Variants in SAAL1 observed in about 807,000 individuals in gnomAD.
The protein encoded by SAAL1 is serum amyloid A like 1.
A neutral mutation model predicts 59.8 loss-of-function variants in SAAL1; 42 were observed. The ratio of observed to expected loss-of-function variants is 0.70; its 90% confidence interval spans 0.55 to 0.91. The LOEUF (loss-of-function observed/expected upper bound fraction) is 0.91. SAAL1 is among the 40% of genes least tolerant of loss of function. SAAL1 has a pLI of 0.00. For missense variants in SAAL1, 542 were observed against 561.1 expected (o/e 0.97, Z 0.34); for synonymous variants, 191 against 194.3 (o/e 0.98, Z 0.14).
chr11:18,102,256 G>A (rs537664067), intron 2 of SAAL1, among the ~76,000 whole-genome samples: 13 of 152,076 alleles, frequency 8.5e-5, no homozygotes, highest in East Asian at 1.9e-4. Flanking sequence ...ATAAAAATTC[G>A]CAGGGATTGG....
intron 11 of SAAL1, among the ~76,000 whole-genome samples, chr11:18,080,903 T>A (rs765644165): frequency 1.3e-5 from 2 of 152,152 alleles, no homozygotes; most frequent in African/African-American, 2.4e-5. Flanking sequence ...CAGAAAGGAG[T>A]ACTATAAATT....
chr11:18,092,234 G>GT lies in SAAL1; in HGVS notation c.413+10dup, dbSNP rs1307391770. ...ATATATTAAAAAACATAATTATATAGTAAGACTTACCCAAGATTTTTATCA... is the reference window on the plus strand; with the variant it reads ...ATATATTAAAAAACATAATTATATAGTTAAGACTTACCCAAGATTTTTATCA... On this transcript the variant is annotated intron_variant, in intron 4 of 11. Coordinates refer to ENST00000524803, the MANE Select transcript of SAAL1 (RefSeq NM_138421.3). 7.0e-6 allele frequency: 10 copies of GT among 1,432,968 alleles called. No homozygotes were observed. Among genetic ancestry groups the GT allele is most frequent in the South Asian group, 1.2e-5 (1 of 84,342 alleles). 88.8% of individuals were successfully genotyped at this position (1,432,968 alleles called of 1,614,324 possible).
chr11:18,083,767 G>A (rs769150499), intron 9 of SAAL1, 36 bp from the exon 10 acceptor site: 1 of 1,431,224 alleles, frequency 7.0e-7, no homozygotes, highest in South Asian at 1.4e-5. Flanking sequence ...GAATTGGCCA[G>A]TTAAGTTTGG....
chr11:18,090,059 A>G (rs927342209), intron 6 of SAAL1, 116 bp downstream of exon 6: 2 of 980,030 alleles, frequency 2.0e-6, no homozygotes, highest in South Asian at 1.8e-5. Flanking sequence ...AACAAACTTC[A>G]TTACCTTGCA....
At chr11:18,086,734 T>C in intron 9 of SAAL1, 132 bp downstream of exon 9, 1 of 471,624 alleles carries the variant, frequency 2.1e-6, no homozygotes, top group Non-Finnish European at 3.5e-6. Context: ...ATAAAATAAA[T>C]AAATATGATA....
rs1424949600 is a variant in SAAL1, at chr11:18,089,282, T to C, written c.770+48A>G. The C allele has an allele frequency of 2.8e-6, 4 of 1,452,962 alleles. No homozygotes were observed. The Admixed American group carries it at 7.5e-5, about 27-fold the overall frequency. The allele number at this position is 1,452,962 out of a possible 1,614,324, so 90.0% of individuals were successfully genotyped here. A position where few individuals can be genotyped will look rare whatever the true frequency, so the allele number is the denominator to read the frequency against. ...AGACTTTTATATCTGAGAATACTTC[T>C]AGCAATTGCATTTTCCCAGAACATT... On this transcript the variant is annotated intron_variant, in intron 7 of 11. Coordinates refer to ENST00000524803, the MANE Select transcript of SAAL1 (RefSeq NM_138421.3).
At chr11:18,089,557 A>C (rs1226168077) in intron 6 of SAAL1, 47 bp from the exon 7 acceptor site, 2 of 1,555,548 alleles carry the variant, frequency 1.3e-6, no homozygotes, top group Non-Finnish European at 1.7e-6. Flanking sequence ...AACTGCTAAA[A>C]GCAATAGGGT....
intron 4 of SAAL1, among the ~76,000 whole-genome samples, chr11:18,091,961 C>A (rs1848527922): frequency 6.6e-6 from 1 of 152,220 alleles, no homozygotes; most frequent in Admixed American, 6.5e-5. Context: ...GCTGCCCCAT[C>A]TCCAAGTTTT....
At chr11:18,104,475 GA>G (rs1208028642) in intron 1 of SAAL1, among the ~76,000 whole-genome samples, 1 of 151,552 alleles carries the variant, frequency 6.6e-6, no homozygotes, top group Non-Finnish European at 1.5e-5. Flanking sequence ...ATCTAGTGGG[GA>G]AAGACATGTA....
chr11:18,086,418 G>T (rs1182052032), intron 9 of SAAL1, among the ~76,000 whole-genome samples: 1 of 152,044 alleles, frequency 6.6e-6, no homozygotes, highest in Non-Finnish European at 1.5e-5. Flanking sequence ...AAGTAAACAG[G>T]CCAGGTGGGG....
At chr11:18,093,479 G>C (rs1429096675) in intron 3 of SAAL1, among the ~76,000 whole-genome samples, 1 of 152,170 alleles carries the variant, frequency 6.6e-6, no homozygotes, top group Non-Finnish European at 1.5e-5. Context: ...AGGATAAGGG[G>C]AGACTAGTGT....
At chr11:18,093,188 T>A (rs1848540161) in intron 3 of SAAL1, among the ~76,000 whole-genome samples, 1 of 152,176 alleles carries the variant, frequency 6.6e-6, no homozygotes, top group Non-Finnish European at 1.5e-5. Context: ...CATGTCACCC[T>A]TATTTTACTT....
At chr11:18,087,468 A>C (rs568368342) in intron 7 of SAAL1, among the ~76,000 whole-genome samples, 94 of 152,336 alleles carry the variant, frequency 6.2e-4, no homozygotes, top group African/African-American at 2.2e-3. Flanking sequence ...AAGTAAAAAA[A>C]CTTTTTGGCT....
At position 18,086,908 on chromosome 11, in the gene SAAL1, A is replaced by T; in HGVS notation, c.1000T>A (p.Tyr334Asn). 1.2e-6 allele frequency: 2 copies of T among 1,614,108 alleles called. No individual in the cohort carries two copies. The highest frequency in any genetic ancestry group is 2.2e-5 in the South Asian group (2 of 91,076). Residue 334 changes from tyrosine (Y) to asparagine (N), a missense_variant, in exon 9 of 12, where the codon TAT becomes AAT. Physicochemically the swap from Tyr to Asn is moderately radical, Grantham distance 143. Transcript: ENST00000524803. Reference protein sequence around the residue: ...ASVFSVLSAIYASQTEQEYLK... With the variant: ...ASVFSVLSAINASQTEQEYLK... ...TACTCTTGCTCAGTCTGTGAGGCAT[A>T]GATGGCAGACAACACTGAAAAAACA...
In SAAL1 at chr11:18,106,035, G is replaced by A. The variant is rs368016177; in HGVS notation, c.7C>T (p.Arg3Cys). Residue 3 changes from arginine (R) to cysteine (C), a missense_variant, in exon 1 of 12, where the codon CGC becomes TGC. Coordinates refer to ENST00000524803, the MANE Select transcript of SAAL1 (RefSeq NM_138421.3). MDRNPSPPPPGRD... is the reference protein window; with the variant it reads MDCNPSPPPPGRD... ...CCCGGCGGCGGCGGCGAGGGGTTGC[G>A]GTCCATGACTTTGTCGCGTCCCGCG... The A allele has an allele frequency of 5.6e-5, 90 of 1,603,112 alleles. No individual in the cohort carries two copies. The highest frequency in any genetic ancestry group is 8.4e-5 in the Admixed American group (5 of 59,456).
chr11:18,092,166 C>A, intron 4 of SAAL1, 79 bp downstream of exon 4: 1 of 723,046 alleles, frequency 1.4e-6, no homozygotes, highest in South Asian at 1.9e-5. Flanking sequence ...TTCAGATTTG[C>A]TACTTTTCCT....
chr11:18,102,191 C>A (rs1244692652), intron 2 of SAAL1, among the ~76,000 whole-genome samples: 3 of 152,134 alleles, frequency 2.0e-5, no homozygotes, highest in Non-Finnish European at 4.4e-5. Flanking sequence ...CATTTGAGGT[C>A]AGCAGTTCAA....
chr11:18,105,306 C>CT (rs1848676876), intron 1 of SAAL1, among the ~76,000 whole-genome samples: 3 of 149,814 alleles, frequency 2.0e-5, no homozygotes, highest in Non-Finnish European at 3.0e-5. Context: ...GTCGCTGGGA[C>CT]TACAGGCGTG....
At chr11:18,099,629 A>C (rs180929471) in intron 2 of SAAL1, among the ~76,000 whole-genome samples, 3 of 152,378 alleles carry the variant, frequency 2.0e-5, no homozygotes, top group Admixed American at 1.3e-4. Flanking sequence ...ATCAGAGGAC[A>C]CATGTAACAG....
Sources: allele counts gnomAD v4.1 joint callset (sites outside exome capture counted in the v4.1 genomes callset), GRCh38; gene constraint gnomAD v4.1.1; transcripts MANE v1.5; gene names NCBI Gene and HGNC (gene_info 2026-07-23, HGNC 2026-07-21).